MACROD2: variants seen among roughly 807,000 people sequenced by gnomAD.
MACROD2 encodes mono-ADP ribosylhydrolase 2.
A neutral mutation model predicts 70.4 loss-of-function variants in MACROD2; 36 were observed. The ratio of observed to expected loss-of-function variants is 0.51; its 90% CI spans 0.39 to 0.68. The LOEUF is 0.68. MACROD2 is among the 30% of genes least tolerant of loss of function. The probability of loss-of-function intolerance (pLI) is 0.00; values close to 1 mark genes in which losing one functional copy is unlikely to be tolerated. For synonymous variants in MACROD2, 172 were observed against 178.8 expected (o/e 0.96, Z 0.30); for missense variants, 496 against 538.4 (o/e 0.92, Z 0.78).
intron 3 of MACROD2, among the ~76,000 whole-genome samples, chr20:14,274,121 G>A (rs923774833): frequency 6.6e-6 from 1 of 152,180 alleles, no homozygotes; most frequent in African/African-American, 2.4e-5. Context: ...TAGAAGAAGA[G>A]GGAATCCTCC....
At position 16,037,232 on chromosome 20, in the gene MACROD2, CCTCT is replaced by C. The variant is rs568610345; in HGVS notation, c.1154-3963_1154-3960del. ...TGCATTTTGCTTTCTTCAACTTTTT[CCTCT>C]CTCTCACCTAACTTTTGAAAGTGTT... On this transcript the variant is annotated intron_variant, in intron 15 of 17. Transcript: ENST00000684519. 1.9e-3 allele frequency among the ~76,000 whole-genome samples: 296 copies of C among 152,064 alleles called. 1 individual carries two copies. The highest frequency in any genetic ancestry group is 6.6e-3 in the African/African-American group (272 of 41,518).
At chr20:14,465,464 A>C (rs2084433365) in intron 3 of MACROD2, among the ~76,000 whole-genome samples, 1 of 152,040 alleles carries the variant, frequency 6.6e-6, no homozygotes, top group Non-Finnish European at 1.5e-5. Flanking sequence ...AATACAGCAC[A>C]CTGATGGGTC....
At position 15,165,010 on chromosome 20, in the gene MACROD2, C is replaced by T. The variant is rs190018027; in HGVS notation, c.419-64930C>T. Among the ~76,000 whole-genome samples, 11 of 152,214 alleles carry T rather than the reference C, an allele frequency of 7.2e-5. No homozygotes were observed. In the East Asian group the frequency reaches 1.7e-3, roughly 24 times the overall value. ...TCATAACAAACTATAGAGAAAATTG[C>T]AGAGGCCACAATTCAACAAAAAAGT... is the stretch of plus-strand genomic sequence containing the variant. On this transcript the variant is annotated intron_variant, in intron 5 of 17. Coordinates refer to ENST00000684519, the MANE Select transcript of MACROD2 (RefSeq NM_001351661.2).
chr20:14,933,328 G>T (rs1376741590), intron 5 of MACROD2, among the ~76,000 whole-genome samples: 1 of 152,148 alleles, frequency 6.6e-6, no homozygotes, highest in Non-Finnish European at 1.5e-5. Flanking sequence ...TTCAAATTAT[G>T]TTCTCTGAAT....
intron 2 of MACROD2, among the ~76,000 whole-genome samples, chr20:14,032,975 T>C (rs553261470): frequency 6.6e-6 from 1 of 152,236 alleles, no homozygotes; most frequent in Admixed American, 6.5e-5. Flanking sequence ...AATTTTCAAT[T>C]TTTAGTCACC....
chr20:14,196,841 C>T (rs763683276), intron 3 of MACROD2, among the ~76,000 whole-genome samples: 4 of 152,170 alleles, frequency 2.6e-5, no homozygotes, highest in African/African-American at 4.8e-5. Flanking sequence ...AAAGCTTTGC[C>T]ACTACAGAAA....
intron 17 of MACROD2, among the ~76,000 whole-genome samples, chr20:16,047,106 T>G (rs1255133660): frequency 6.6e-6 from 1 of 152,216 alleles, no homozygotes; most frequent in Non-Finnish European, 1.5e-5. Context: ...ATAGCAAGTT[T>G]CTGGACACAG....
intron 9 of MACROD2, among the ~76,000 whole-genome samples, chr20:15,881,646 A>G (rs1236201935): frequency 6.6e-6 from 1 of 152,122 alleles, no homozygotes; most frequent in Non-Finnish European, 1.5e-5. Flanking sequence ...AAATGTGCCT[A>G]CGTCTTAGTA....
intron 8 of MACROD2, among the ~76,000 whole-genome samples, chr20:15,550,728 G>T (rs1314121757): frequency 2.6e-5 from 4 of 152,214 alleles, no homozygotes; most frequent in Admixed American, 2.6e-4. Flanking sequence ...TTCTAATCCT[G>T]TTCCCTGCCG....
intron 5 of MACROD2, among the ~76,000 whole-genome samples, chr20:14,823,820 A>G (rs1467730434): frequency 1.3e-5 from 2 of 152,026 alleles, no homozygotes; most frequent in East Asian, 1.9e-4. Flanking sequence ...CGCTAAGAAG[A>G]GGAAATAGAC....
At chr20:14,311,765 C>A (rs748647337) in intron 3 of MACROD2, among the ~76,000 whole-genome samples, 4 of 151,980 alleles carry the variant, frequency 2.6e-5, no homozygotes, top group Admixed American at 2.0e-4. Flanking sequence ...TGATCCACCC[C>A]CCATGGCCTC....
chr20:14,074,984 C>T (rs753862672), intron 2 of MACROD2, among the ~76,000 whole-genome samples: 3 of 152,126 alleles, frequency 2.0e-5, no homozygotes, highest in Non-Finnish European at 4.4e-5. Flanking sequence ...GCCATTAAGT[C>T]ACTTTGTAGT....
Position 14,979,913 on chromosome 20 carries a change from A to G in MACROD2, c.419-250027A>G, listed in dbSNP as rs553617812. Among the ~76,000 whole-genome samples, 4 of 152,296 alleles carry G rather than the reference A, an allele frequency of 2.6e-5. 1 individual carries two copies. In the South Asian group the frequency reaches 8.3e-4, roughly 32 times the overall value. On this transcript the variant is annotated intron_variant, in intron 5 of 17. Transcript: ENST00000684519. ...AAACCCTTGAAGCTTTTACTTCCCA[A>G]TCTATAAAATAGGGATGATAATACC...
intron 4 of MACROD2, among the ~76,000 whole-genome samples, chr20:14,564,240 T>C (rs1437115266): frequency 6.6e-6 from 1 of 151,664 alleles, no homozygotes; most frequent in East Asian, 1.9e-4. Flanking sequence ...CCAATAAAAG[T>C]CCCAGAAGAA....
chr20:15,843,836 C>T (rs114169152), intron 8 of MACROD2, among the ~76,000 whole-genome samples: 231 of 152,208 alleles, frequency 1.5e-3, no homozygotes, highest in African/African-American at 5.4e-3. Context: ...TTGCATTGCT[C>T]CCTGACACTC....
intron 10 of MACROD2, chr20:15,893,818 A>G (rs1336661166): frequency 2.2e-6 from 1 of 456,774 alleles, no homozygotes; most frequent in Non-Finnish European, 4.4e-6. Context: ...TCTTGAGGGA[A>G]GAAGATGCCA....
Position 15,452,365 on chromosome 20 carries a change from A to G in MACROD2, c.571+20930A>G, listed in dbSNP as rs147225671. ...TGAGAGGTAGATGCTGACAGTAAAC[A>G]GTGGGATAATACTGAAAGGTGACCC... On this transcript the variant is annotated intron_variant, in intron 7 of 17. Coordinates refer to ENST00000684519, the MANE Select transcript of MACROD2 (RefSeq NM_001351661.2). Among the ~76,000 whole-genome samples the G allele has an allele frequency of 3.4e-3, 525 of 152,278 alleles. 2 individuals carry two copies. The highest frequency in any genetic ancestry group is 0.012 in the African/African-American group (497 of 41,572).
intron 5 of MACROD2, among the ~76,000 whole-genome samples, chr20:14,865,720 T>C (rs762018840): frequency 2.0e-4 from 30 of 152,116 alleles, no homozygotes; most frequent in Admixed American, 8.5e-4. Flanking sequence ...TGCATCTGTG[T>C]GTCATATGCT....
intron 3 of MACROD2, among the ~76,000 whole-genome samples, chr20:14,188,316 T>C (rs893817147): frequency 6.6e-6 from 1 of 152,138 alleles, no homozygotes; most frequent in East Asian, 1.9e-4. Context: ...CTAAGTAGTT[T>C]GATAAATTTT....
Sources: gnomAD v4.1 joint callset for allele counts (sites outside exome capture counted in the v4.1 genomes callset) on GRCh38, gnomAD v4.1.1 for gene constraint, MANE v1.5 for transcripts, NCBI Gene and HGNC (gene_info 2026-07-23, HGNC 2026-07-21) for gene names.